The following OTULIN variants were observed in gnomAD, a reference collection of about 807,000 sequenced individuals.
The protein encoded by OTULIN is OTU deubiquitinase with linear linkage specificity, also known as ubiquitin thioesterase otulin.
In OTULIN, 15 loss-of-function variants were observed where a neutral mutation model predicts 39.6. That is an observed-to-expected ratio of 0.38 (90% CI 0.25 to 0.58). The LOEUF is 0.58. OTULIN is among the 20% of genes least tolerant of loss of function. OTULIN has a pLI of 0.66. For synonymous variants in OTULIN, 156 were observed against 170.3 expected, an observed-to-expected ratio of 0.92 and a Z score of 0.65; for missense variants, 319 against 445.9, an observed-to-expected ratio of 0.72 and a Z score of 2.56.
the OTULIN span, chr5:14,711,011 G>T: frequency 1.6e-6 from 1 of 637,608 alleles, no homozygotes; most frequent in Non-Finnish European, 2.8e-6. Context: ...CATTCACTAG[G>T]TCCCCCCGTC....
At chr5:14,668,003 C>A (rs1397075035) in intron 1 of OTULIN, among the ~76,000 whole-genome samples, 1 of 152,164 alleles carries the variant, frequency 6.6e-6, no homozygotes, top group Middle Eastern at 3.2e-3. Flanking sequence ...AGAGACTACT[C>A]CATGGCCCTT....
Position 14,666,621 on chromosome 5 carries a change from G to C in OTULIN, c.152+1644G>C, listed in dbSNP as rs369201145. Among the ~76,000 whole-genome samples, 9 of 152,170 alleles carry C rather than the reference G, an allele frequency of 5.9e-5. No homozygotes were observed. In the East Asian group the frequency reaches 1.7e-3, roughly 29 times the overall value. ...TGCTTCCCAAGTTTGCTTCCCAGTA[G>C]ATGTCCCGGTTTGTGTGTGTGGTTT... On this transcript the variant is annotated intron_variant, in intron 1 of 6. Transcript: ENST00000284274.
At chr5:14,710,823 G>A in the OTULIN span, 3 of 321,094 alleles carry the variant, frequency 9.3e-6, no homozygotes, top group South Asian at 5.5e-5. Context: ...TCTGTGGCCT[G>A]CTGTGCAGGG....
chr5:14,702,732 G>A (rs890353941), downstream of OTULIN, among the ~76,000 whole-genome samples: 2 of 152,156 alleles, frequency 1.3e-5, no homozygotes, highest in South Asian at 2.1e-4. Context: ...AGCTTTTATT[G>A]TGTAGCAGAT....
intron 2 of OTULIN, among the ~76,000 whole-genome samples, chr5:14,674,498 G>A (rs1002004587): frequency 7.9e-5 from 12 of 152,266 alleles, no homozygotes; most frequent in African/African-American, 1.7e-4. Flanking sequence ...GATCATGCCC[G>A]TAATCCCAGC....
At chr5:14,670,868 C>T (rs991097191) in intron 1 of OTULIN, among the ~76,000 whole-genome samples, 2 of 151,390 alleles carry the variant, frequency 1.3e-5, no homozygotes, top group African/African-American at 4.9e-5. Flanking sequence ...TTAATGGTGG[C>T]CTTTAGTAAA....
At chr5:14,670,495 C>T (rs902786142) in intron 1 of OTULIN, among the ~76,000 whole-genome samples, 49 of 152,158 alleles carry the variant, frequency 3.2e-4, no homozygotes, top group African/African-American at 8.0e-4. Flanking sequence ...TTCTATTAGA[C>T]GGGTAACTAT....
Position 14,698,660 on chromosome 5 carries a change from A to T in OTULIN, c.*5612A>T, listed in dbSNP as rs141441596. 1 of 152,190 alleles carries T rather than the reference A, an allele frequency of 6.6e-6. No homozygotes were observed. Among genetic ancestry groups the T allele is most frequent in the Non-Finnish European group, 1.5e-5 (1 of 68,056 alleles). The allele number at this position is 152,190 out of a possible 1,614,324, so 9.4% of individuals were successfully genotyped here. A position where few individuals can be genotyped will look rare whatever the true frequency, so the allele number is the denominator to read the frequency against. On this transcript the variant is annotated 3_prime_UTR_variant, in exon 7 of 7. Transcript: ENST00000284274. ...TGCTTGCCTTTGAGGACTTTGGCAG[A>T]TTGTGCTATTACATTGGGCTCTAAC...
Position 14,676,910 on chromosome 5 carries a change from T to G in OTULIN, c.230-1771T>G, listed in dbSNP as rs16903633. On this transcript the variant is annotated intron_variant, in intron 2 of 6. Transcript: ENST00000284274. ...TCGAATTAAAAAAAATGAAGATTCT[T>G]TAAGGATTGGCTGTGCAGCATTGGT... is the stretch of plus-strand genomic sequence containing the variant. Among the ~76,000 whole-genome samples the G allele has an allele frequency of 1.0e-2, 1,519 of 152,294 alleles. 28 individuals are homozygous for G. Among genetic ancestry groups the G allele is most frequent in the African/African-American group, 0.034 (1,431 of 41,564 alleles).
intron 3 of OTULIN, among the ~76,000 whole-genome samples, 160 bp downstream of exon 3, chr5:14,678,935 AG>A (rs144447471): frequency 0.058 from 8,775 of 152,298 alleles, 344 homozygotes; most frequent in Non-Finnish European, 0.081. Context: ...TCCAAAGATA[AG>A]GGTTTTGTTT....
downstream of OTULIN, among the ~76,000 whole-genome samples, chr5:14,704,191 G>A (rs1173146059): frequency 3.3e-5 from 5 of 151,848 alleles, no homozygotes; most frequent in Admixed American, 6.6e-5. Flanking sequence ...TTAGCTGGGC[G>A]TGGTGACGTG....
At chr5:14,700,939 C>T (rs1439117325), downstream of OTULIN, among the ~76,000 whole-genome samples, 5 of 152,110 alleles carry the variant, frequency 3.3e-5, no homozygotes, top group Admixed American at 2.6e-4. Context: ...ATTGGAATAT[C>T]GCATCTGTGT....
the OTULIN span, chr5:14,712,855 C>T: frequency 1.3e-5 from 20 of 1,584,964 alleles, no homozygotes; most frequent in Middle Eastern, 1.7e-4. Flanking sequence ...GGAGGAGGCT[C>T]CCGGCGCGGC....
the OTULIN span, among the ~76,000 whole-genome samples, chr5:14,711,729 C>G: frequency 6.6e-6 from 1 of 152,238 alleles, no homozygotes; most frequent in Non-Finnish European, 1.5e-5. Flanking sequence ...CGTCAGTCAC[C>G]TCTGGGACAG....
At position 14,671,632 on chromosome 5, in the gene OTULIN, G is replaced by A. The variant is rs531500312; in HGVS notation, c.153-2010G>A. Among the ~76,000 whole-genome samples the A allele has an allele frequency of 2.0e-5, 3 of 152,112 alleles. No individual in the cohort carries two copies. The South Asian group carries it at 6.2e-4, about 32-fold the overall frequency. On this transcript the variant is annotated intron_variant, in intron 1 of 6. Transcript: ENST00000284274. ...TCTGTTTGTTTTTACCTCTGGCATG[G>A]GCTCTAAGGATGACATCACACTTTT...
downstream of OTULIN, among the ~76,000 whole-genome samples, chr5:14,704,355 A>AAG (rs869075047): frequency 1.3e-5 from 2 of 149,134 alleles, no homozygotes; most frequent in East Asian, 2.0e-4. Flanking sequence ...AAAAAAAAAA[A>AAG]GTGATAAAAG....
downstream of OTULIN, among the ~76,000 whole-genome samples, chr5:14,703,868 A>G (rs1736863217): frequency 6.6e-6 from 1 of 152,170 alleles, no homozygotes; most frequent in Admixed American, 6.5e-5. Context: ...CTGGGATTTT[A>G]ACAAAAGGAG....
At chr5:14,709,787 G>A in the OTULIN span, 2 of 152,544 alleles carry the variant, frequency 1.3e-5, no homozygotes, top group Admixed American at 6.5e-5. Context: ...TTCAACTGCA[G>A]GTATGTTGAG....
chr5:14,713,051 AG>A, the OTULIN span: 1 of 1,390,404 alleles, frequency 7.2e-7, no homozygotes, highest in South Asian at 1.2e-5. This position sits in a 1 kb window ranked among gnomAD's most constrained non-coding sequence, Gnocchi z 4.4. Flanking sequence ...AACCCAGGAA[AG>A]TAAGTGTAGC....
Sources: gnomAD v4.1 joint callset for allele counts (sites outside exome capture counted in the v4.1 genomes callset) on GRCh38, gnomAD v4.1.1 for gene constraint, Gnocchi (gnomAD v3.1) non-coding constraint, MANE v1.5 for transcripts, NCBI Gene and HGNC (gene_info 2026-07-23, HGNC 2026-07-21) for gene names.